PIF1: variants seen among roughly 807,000 people sequenced by gnomAD.
The protein encoded by PIF1 is PIF1 5'-to-3' DNA helicase.
PIF1 carries 67 observed loss-of-function variants against 62.3 expected under a neutral mutation model. The ratio of observed to expected loss-of-function variants is 1.08; its 90% CI spans 0.88 to 1.32. The LOEUF (loss-of-function observed/expected upper bound fraction) is 1.32, where lower values mean the gene tolerates loss of function less well. Among genes scored for constraint, PIF1 ranks in the 40% most tolerant of loss-of-function variants. The probability of loss-of-function intolerance (pLI) is 0.00; values close to 1 mark genes in which losing one functional copy is unlikely to be tolerated. For synonymous variants in PIF1, 364 were observed against 379.5 expected, an observed-to-expected ratio of 0.96 and a Z score of 0.47; for missense variants, 886 against 866.1, an observed-to-expected ratio of 1.02 and a Z score of -0.29.
rs1405479487 is a variant in PIF1 at position 64,821,275 on chromosome 15, G to C, written c.978C>G (p.Val326=). ...CTCCGAATGGCTTGTTCTGCTGCCG[G>C]ACAGCTCTGGAGAGGAGCGTGGGGT... is the stretch of plus-strand genomic sequence containing the variant. The part of the protein sequence containing the change: ...FDKLEAVARA[V]RQQNKPFGGI... Residue 326 remains valine (V), a synonymous_variant, in exon 6 of 13, where the codon GTC becomes GTG. Coordinates refer to ENST00000559239, the MANE Select transcript of PIF1 (RefSeq NM_001286496.2). 1 of 1,614,174 alleles carries C rather than the reference G, an allele frequency of 6.2e-7. No individual in the cohort carries two copies. Among genetic ancestry groups the C allele is most frequent in the Non-Finnish European group, 8.5e-7 (1 of 1,180,006 alleles).
In PIF1 at chr15:64,822,630, C is replaced by G; in HGVS notation, c.559-20G>C. On this transcript the variant is annotated intron_variant, in intron 2 of 12. Transcript: ENST00000559239. ...GGCTTCCTGGGGGGAACAGAGCTATCTCAGAGCATCCTCCCACCCGCTAGG... is the reference window on the plus strand; with the variant it reads ...GGCTTCCTGGGGGGAACAGAGCTATGTCAGAGCATCCTCCCACCCGCTAGG... 2 of 1,612,860 alleles carry G rather than the reference C, an allele frequency of 1.2e-6. No homozygotes were observed. The highest frequency in any genetic ancestry group is 1.7e-6 in the Non-Finnish European group (2 of 1,179,880).
At chr15:64,817,485 C>T (rs1408999115) in intron 11 of PIF1, among the ~76,000 whole-genome samples, 2 of 151,640 alleles carry the variant, frequency 1.3e-5, no homozygotes, top group Admixed American at 1.3e-4. Flanking sequence ...GCGGAGCTTG[C>T]AGTGAGCCGA....
chr15:64,824,395 AG>A (rs2084338530), intron 1 of PIF1, 41 bp from the exon 2 acceptor site: 28 of 1,218,182 alleles, frequency 2.3e-5, no homozygotes, highest in Non-Finnish European at 2.9e-5. Flanking sequence ...AGGATTCATG[AG>A]ACGTAATGGG....
intron 11 of PIF1, 41 bp downstream of exon 11, chr15:64,817,905 C>A: frequency 6.3e-7 from 1 of 1,581,614 alleles, no homozygotes; most frequent in Non-Finnish European, 8.6e-7. Context: ...GCCTGACCTC[C>A]CTCTGCCCTC....
chr15:64,824,772 A>G lies in PIF1; in HGVS notation c.-19-418T>C, dbSNP rs1209772349. Among the ~76,000 whole-genome samples, 3 of 151,302 alleles carry G rather than the reference A, an allele frequency of 2.0e-5. No individual in the cohort carries two copies. In the East Asian group the frequency reaches 5.9e-4, roughly 30 times the overall value. ...TGAAGAAGGAAGATCGCTTGAGCCC[A>G]GGAACTCGAGACCATCCTGGGCAAC... On this transcript the variant is annotated intron_variant, in intron 1 of 12. Coordinates refer to ENST00000559239, the MANE Select transcript of PIF1 (RefSeq NM_001286496.2).
rs2084264873 is a variant in PIF1, at chr15:64,820,120, G to GC, written c.1194-135dup. 3 of 1,140,670 alleles carry GC rather than the reference G, an allele frequency of 2.6e-6. No individual in the cohort carries two copies. In the East Asian group the frequency reaches 7.2e-5, roughly 27 times the overall value. 70.7% of individuals were successfully genotyped at this position (1,140,670 alleles called of 1,614,324 possible). On this transcript the variant is annotated intron_variant, in intron 7 of 12. Transcript: ENST00000559239. The stretch of plus-strand genomic sequence containing the variant: ...AAGAGGGCACCAGGGAAGAGTTGCT[G>GC]CCCCCTCAAGCTGGCCAACCTGTCC...
upstream of PIF1, among the ~76,000 whole-genome samples, chr15:64,826,624 TTATATATATATATATATATATA>T (rs764170884): frequency 6.1e-4 from 22 of 36,078 alleles, 1 homozygote; most frequent in South Asian, 3.0e-3. Context: ...CCCAGCTAAT[TTATATATATATATATATATATA>T]TATATATATA....
intron 2 of PIF1, 145 bp downstream of exon 2, chr15:64,823,633 A>G (rs72744800): frequency 0.021 from 10,987 of 516,832 alleles, 175 homozygotes; most frequent in Middle Eastern, 0.049. Context: ...CACAGGCACA[A>G]TTCCCACACC....
rs757239594 is a variant in PIF1 at position 64,816,729 on chromosome 15, G to A, written c.1711C>T (p.Arg571Cys). 5.6e-6 allele frequency: 9 copies of A among 1,608,714 alleles called. No homozygotes were observed. The highest frequency in any genetic ancestry group is 1.7e-4 in the Middle Eastern group (1 of 6,024). ...TLDCVEISLG[R>C]VFASGQAYVA... is the part of the protein sequence containing the mutation. Reference sequence around the variant, plus strand: ...TAGGCCTGGCCACTGGCAAACACACGGCCCAGAGAAATCTCCACACAATCC... The same window carrying A: ...TAGGCCTGGCCACTGGCAAACACACAGCCCAGAGAAATCTCCACACAATCC... Residue 571 changes from arginine to cysteine, a missense_variant, in exon 12 of 13, where the codon CGT becomes TGT. Transcript: ENST00000559239.
chr15:64,824,867 ATGTG>A (rs147410358), intron 1 of PIF1, among the ~76,000 whole-genome samples: 20 of 137,396 alleles, frequency 1.5e-4, no homozygotes, highest in African/African-American at 2.6e-4. Context: ...CATTATATAT[ATGTG>A]TGTGTGTGTG....
In PIF1 at chr15:64,825,612, AACAAGCAGATC is replaced by A. The variant is rs2084358013; in HGVS notation, c.-74_-64del. The A allele has an allele frequency of 2.6e-5, 4 of 152,322 alleles. No individual in the cohort carries two copies. The highest frequency in any genetic ancestry group is 4.1e-4 in the South Asian group (2 of 4,828). The allele number at this position is 152,322 out of a possible 1,614,324, so 9.4% of individuals were successfully genotyped here. A position where few individuals can be genotyped will look rare whatever the true frequency, so the allele number is the denominator to read the frequency against. ...ACTCACTTGTGCCGACACTCAGATG[AACAAGCAGATC>A]GTAGCCGGCCTGTGGCTAAGCTCCG... On this transcript the variant is annotated 5_prime_UTR_variant, in exon 1 of 13. Coordinates refer to ENST00000559239, the MANE Select transcript of PIF1 (RefSeq NM_001286496.2).
chr15:64,827,017 A>G (rs1258985549), upstream of PIF1, among the ~76,000 whole-genome samples: 1 of 152,102 alleles, frequency 6.6e-6, no homozygotes, highest in Non-Finnish European at 1.5e-5. Context: ...CTTAGCTACT[A>G]CACCACACTG....
intron 9 of PIF1, 193 bp downstream of exon 9, chr15:64,818,924 C>T: frequency 1.0e-5 from 5 of 476,644 alleles, no homozygotes; most frequent in Non-Finnish European, 1.8e-5. Flanking sequence ...GGAGGACCTC[C>T]TGGTGTAGGA....
At position 64,821,495 on chromosome 15, in the gene PIF1, T is replaced by C. The variant is rs1355015522; in HGVS notation, c.843A>G (p.Leu281=). 1.2e-6 allele frequency: 2 copies of C among 1,612,680 alleles called. No homozygotes were observed. The highest frequency in any genetic ancestry group is 1.7e-6 in the Non-Finnish European group (2 of 1,179,496). ...TTTGGGCCAGGGCCACACACTGGGC[T>C]AGAGGAGCCTGGCCTGAGCCGATGC... ...FAGIGSGQAP[L]AQCVALAQRP... is the part of the protein sequence containing the mutation. The change falls in exon 5 of 13, where the codon CTA becomes CTG. Residue 281 remains leucine, a synonymous_variant. Coordinates refer to ENST00000559239, the MANE Select transcript of PIF1 (RefSeq NM_001286496.2).
At chr15:64,823,030 T>C (rs1412224039) in intron 2 of PIF1, among the ~76,000 whole-genome samples, 1 of 152,098 alleles carries the variant, frequency 6.6e-6, no homozygotes, top group Non-Finnish European at 1.5e-5. Context: ...GCCAGCTTAG[T>C]GTCAAACCCT....
chr15:64,819,794 T>C, intron 8 of PIF1, 53 bp downstream of exon 8: 1 of 1,604,500 alleles, frequency 6.2e-7, no homozygotes, highest in Non-Finnish European at 8.5e-7. Flanking sequence ...GGGGGCTACA[T>C]CTGCTTATAA....
chr15:64,824,899 A>G (rs2084346137), intron 1 of PIF1, among the ~76,000 whole-genome samples: 1 of 149,786 alleles, frequency 6.7e-6, no homozygotes. Flanking sequence ...ATATGTATAT[A>G]TATATATACA....
chr15:64,824,054 G>C lies in PIF1; in HGVS notation c.282C>G (p.Asp94Glu). 7.9e-7 allele frequency: 1 copy of C among 1,263,702 alleles called. No individual in the cohort carries two copies. Among genetic ancestry groups the C allele is most frequent in the Non-Finnish European group, 9.9e-7 (1 of 1,006,062 alleles). The allele number at this position is 1,263,702 out of a possible 1,614,324, so 78.3% of individuals were successfully genotyped here. A position where few individuals can be genotyped will look rare whatever the true frequency, so the allele number is the denominator to read the frequency against. ...GCTGCACTGCGCCGGCCCCGGGGGTGTCGTGGGCGGGGAGCCGCAGGGTGC... is the reference window on the plus strand; with the variant it reads ...GCTGCACTGCGCCGGCCCCGGGGGTCTCGTGGGCGGGGAGCCGCAGGGTGC... Reference protein sequence around the residue: ...GRSTLRLPAHDTPGAGAVQLL... With the variant: ...GRSTLRLPAHETPGAGAVQLL... Residue 94 changes from aspartate (D) to glutamate (E), a missense_variant, in exon 2 of 13, where the codon GAC becomes GAG. By Grantham distance (45) the Asp-to-Glu change is conservative (BLOSUM62 2). Transcript: ENST00000559239.
chr15:64,819,611 CA>C (rs199865006), intron 8 of PIF1, among the ~76,000 whole-genome samples: 1 of 151,864 alleles, frequency 6.6e-6, no homozygotes, highest in Non-Finnish European at 1.5e-5. Context: ...TCCCAGCCTC[CA>C]AAAAAAACTA....
Sources: gnomAD v4.1 joint callset for allele counts (sites outside exome capture counted in the v4.1 genomes callset) on GRCh38, gnomAD v4.1.1 for gene constraint, MANE v1.5 for transcripts, NCBI Gene and HGNC (gene_info 2026-07-23, HGNC 2026-07-21) for gene names.